SNX27: variants seen among roughly 807,000 people sequenced by gnomAD.
The protein encoded by SNX27 is sorting nexin 27.
Under a neutral mutation model 71.6 loss-of-function variants are expected in SNX27, and 22 were observed. The ratio of observed to expected loss-of-function variants is 0.31; its 90% CI spans 0.22 to 0.44. The LOEUF is 0.44. Among genes scored for constraint, SNX27 ranks in the 20% least tolerant of loss-of-function variants. SNX27 has a pLI of 1.00. For missense variants in SNX27, 531 were observed against 698.6 expected (o/e 0.76, Z 2.70); for synonymous variants, 269 against 277.2 (o/e 0.97, Z 0.29).
chr1:151,654,263 G>GGCTA (rs937919141), intron 2 of SNX27, among the ~76,000 whole-genome samples: 17 of 152,166 alleles, frequency 1.1e-4, no homozygotes, highest in Middle Eastern at 3.4e-3. Context: ...TTTTTACTTG[G>GGCTA]GCTAGACTCA....
At chr1:151,624,977 ACTT>A (rs944379058) in intron 1 of SNX27, among the ~76,000 whole-genome samples, 25 of 152,288 alleles carry the variant, frequency 1.6e-4, no homozygotes, top group Admixed American at 3.3e-4. Flanking sequence ...TCTTATTTGT[ACTT>A]CTTCTGCCTC....
chr1:151,621,061 G>A (rs752288209), intron 1 of SNX27, among the ~76,000 whole-genome samples: 10 of 151,948 alleles, frequency 6.6e-5, no homozygotes, highest in Admixed American at 2.0e-4. Context: ...GACTGAAGAC[G>A]GGGGGGAAAC....
At chr1:151,688,718 C>T (rs1012287032) in intron 8 of SNX27, among the ~76,000 whole-genome samples, 4 of 151,688 alleles carry the variant, frequency 2.6e-5, no homozygotes, top group Admixed American at 6.6e-5. Context: ...TTTAGGGACA[C>T]GTGCAGATTT....
intron 1 of SNX27, among the ~76,000 whole-genome samples, chr1:151,631,152 AC>A (rs1339976940): frequency 6.6e-6 from 1 of 152,158 alleles, no homozygotes; most frequent in Non-Finnish European, 1.5e-5. Flanking sequence ...GAAAGGACAG[AC>A]CCTTACATTT....
intron 2 of SNX27, among the ~76,000 whole-genome samples, chr1:151,651,284 C>A (rs1378562475): frequency 6.7e-6 from 1 of 149,748 alleles, no homozygotes; most frequent in African/African-American, 2.5e-5. Context: ...GGGAGGCTGA[C>A]CCCCCTACCT....
rs61159507 is a variant in SNX27, at chr1:151,692,406, CTTTTTTTTTTTTTT to C, written c.1240-16_1240-3del. 126 of 854,598 alleles carry C rather than the reference CTTTTTTTTTTTTTT, an allele frequency of 1.5e-4. 1 individual carries two copies. Among genetic ancestry groups the C allele is most frequent in the Middle Eastern group, 7.9e-4 (2 of 2,544 alleles). 52.9% of individuals were successfully genotyped at this position (854,598 alleles called of 1,614,324 possible). A position where few individuals can be genotyped will look rare whatever the true frequency, so the allele number is the denominator to read the frequency against. ...TAACCCTGTTTCCTGTTTCTCCTTC[CTTTTTTTTTTTTTT>C]TTTTTTTTTTTTAGTACCTCAACAT... On this transcript the variant is annotated splice_polypyrimidine_tract_variant and intron_variant, in intron 8 of 11. Transcript: ENST00000458013.
intron 2 of SNX27, among the ~76,000 whole-genome samples, chr1:151,652,710 C>T (rs1669473748): frequency 6.6e-6 from 1 of 152,074 alleles, no homozygotes; most frequent in South Asian, 2.1e-4. Context: ...TGCGCCCAGC[C>T]CATGCGTTTT....
At chr1:151,670,550 G>A (rs1670415443) in intron 7 of SNX27, among the ~76,000 whole-genome samples, 1 of 152,120 alleles carries the variant, frequency 6.6e-6, no homozygotes, top group South Asian at 2.1e-4. Context: ...ATCCTTGCCA[G>A]TATTTGTTAT....
intron 3 of SNX27, chr1:151,660,573 A>G (rs913754302): frequency 8.5e-6 from 4 of 470,044 alleles, no homozygotes; most frequent in African/African-American, 7.8e-5. Context: ...TTAGCAAGCT[A>G]CATCTTTGTA....
chr1:151,694,531 A>T lies in SNX27; in HGVS notation c.*114A>T. 9.1e-7 allele frequency: 1 copy of T among 1,095,108 alleles called. No individual in the cohort carries two copies. The allele number at this position is 1,095,108 out of a possible 1,614,324, so 67.8% of individuals were successfully genotyped here. On this transcript the variant is annotated 3_prime_UTR_variant, in exon 12 of 12. Coordinates refer to ENST00000458013, the MANE Select transcript of SNX27 (RefSeq NM_001330723.2). ...GAAGAGAAAAAGTTAAAGTCGTTATATTCAAAAGCCCTAAACTAAATATTA... is the reference window on the plus strand; with the variant it reads ...GAAGAGAAAAAGTTAAAGTCGTTATTTTCAAAAGCCCTAAACTAAATATTA...
At position 151,690,616 on chromosome 1, in the gene SNX27, G is replaced by GTT. The variant is rs957689600; in HGVS notation, c.1240-1809_1240-1808dup. The stretch of plus-strand genomic sequence containing the variant: ...CAGGTGCCCGGCAAATTTTTTTTTT[G>GTT]TTTTTTTTTTTATAGAGATGGGGTT... On this transcript the variant is annotated intron_variant, in intron 8 of 11. Transcript: ENST00000458013. Among the ~76,000 whole-genome samples, 281 of 139,982 alleles carry GTT rather than the reference G, an allele frequency of 2.0e-3. 2 individuals are homozygous for GTT. The highest frequency in any genetic ancestry group is 6.8e-3 in the African/African-American group (262 of 38,294). The allele number at this position is 139,982 out of a possible 152,430, so 91.8% of individuals were successfully genotyped here.
chr1:151,651,448 G>C (rs1175831359), intron 2 of SNX27, among the ~76,000 whole-genome samples: 1 of 151,908 alleles, frequency 6.6e-6, no homozygotes, highest in Non-Finnish European at 1.5e-5. Flanking sequence ...TCCCAGATGG[G>C]GCGGCTGCCG....
Position 151,612,098 on chromosome 1 carries a change from T to G in SNX27, c.-104T>G, listed in dbSNP as rs1012666589. 8.3e-7 allele frequency: 1 copy of G among 1,202,784 alleles called. No homozygotes were observed. Among genetic ancestry groups the G allele is most frequent in the African/African-American group, 1.6e-5 (1 of 63,190 alleles). The allele number at this position is 1,202,784 out of a possible 1,614,324, so 74.5% of individuals were successfully genotyped here. ...CCGAGTCGGTCCCGCGGCCGGCGGA[T>G]CGGGCGCGCGCGTCGGGGGTCGTCC... On this transcript the variant is annotated 5_prime_UTR_variant, in exon 1 of 12. Transcript: ENST00000458013. The surrounding 1 kb of genome is among the most constrained non-coding windows in gnomAD (Gnocchi z 5.2).
rs2102580722 is a variant in SNX27, at chr1:151,612,826, C to T, written c.311+314C>T. Among the ~76,000 whole-genome samples, 1 of 152,240 alleles carries T rather than the reference C, an allele frequency of 6.6e-6. No individual in the cohort carries two copies. Among genetic ancestry groups the T allele is most frequent in the African/African-American group, 2.4e-5 (1 of 41,536 alleles). ...CTTTGCCTTCCCGTTTGGCGTGCTG[C>T]ATTCTGCTCCTCACTCCCCCTCGTC... is the stretch of plus-strand genomic sequence containing the variant. On this transcript the variant is annotated intron_variant, in intron 1 of 11. Coordinates refer to ENST00000458013, the MANE Select transcript of SNX27 (RefSeq NM_001330723.2). This position sits in a 1 kb window ranked among gnomAD's most constrained non-coding sequence, Gnocchi z 5.2.
At chr1:151,641,126 T>C (rs1668700086) in intron 2 of SNX27, among the ~76,000 whole-genome samples, 1 of 152,232 alleles carries the variant, frequency 6.6e-6, no homozygotes, top group Non-Finnish European at 1.5e-5. Flanking sequence ...GTGGGTTGTT[T>C]GCAGTTTTGG....
In SNX27 at chr1:151,668,469, T is replaced by C; in HGVS notation, c.986-3T>C. 6.2e-7 allele frequency: 1 copy of C among 1,608,442 alleles called. No individual in the cohort carries two copies. Among genetic ancestry groups the C allele is most frequent in the Non-Finnish European group, 8.5e-7 (1 of 1,178,252 alleles). On this transcript the variant is annotated splice_polypyrimidine_tract_variant and splice_region_variant and intron_variant, in intron 6 of 11. Transcript: ENST00000458013. ...AGCTTTCTGTGTTTTGTCTTTCCTT[T>C]AGTACGTAAATTGGCACCTAATGAG... is the stretch of plus-strand genomic sequence containing the variant.
intron 7 of SNX27, chr1:151,677,410 G>A (rs1406877584): frequency 6.6e-6 from 1 of 152,084 alleles, no homozygotes; most frequent in African/African-American, 2.4e-5. Context: ...TATTTTTGGA[G>A]TAGAAAAATC....
intron 2 of SNX27, among the ~76,000 whole-genome samples, chr1:151,650,700 A>C (rs1222830331): frequency 1.3e-5 from 2 of 152,060 alleles, no homozygotes; most frequent in African/African-American, 4.8e-5. Context: ...GTCAGCAGAT[A>C]AACAAGTGAA....
At chr1:151,639,208 G>A (rs751857678) in intron 2 of SNX27, 89 bp downstream of exon 2, 3 of 1,162,054 alleles carry the variant, frequency 2.6e-6, no homozygotes, top group Non-Finnish European at 3.6e-6. Context: ...GTAGATAAAA[G>A]GCTGCAACCT....
Sources: allele counts gnomAD v4.1 joint callset (sites outside exome capture counted in the v4.1 genomes callset), GRCh38; gene constraint gnomAD v4.1.1; non-coding constraint Gnocchi (gnomAD v3.1); transcripts MANE v1.5; gene names NCBI Gene and HGNC (gene_info 2026-07-23, HGNC 2026-07-21).